Variants in LRBA observed in about 807,000 individuals in gnomAD.
LRBA encodes the protein lipopolysaccharide-responsive and beige-like anchor protein.
In LRBA, 176 loss-of-function variants were observed where a neutral mutation model predicts 330.0. The ratio of observed to expected loss-of-function variants is 0.53; its 90% CI spans 0.47 to 0.60. The LOEUF is 0.60. Ranked by LOEUF, LRBA falls within the 20% of genes least tolerant of loss-of-function variation. The pLI is 0.00. For missense variants in LRBA, 3,259 were observed against 3,444.8 expected, an observed-to-expected ratio of 0.95 and a Z score of 1.35; for synonymous variants, 1,230 against 1,193.0, an observed-to-expected ratio of 1.03 and a Z score of -0.64.
At chr4:150,688,081 C>G (rs528970753) in intron 36 of LRBA, among the ~76,000 whole-genome samples, 1 of 152,206 alleles carries the variant, frequency 6.6e-6, no homozygotes, top group African/African-American at 2.4e-5. Context: ...ACCAAAACAG[C>G]ATGGTACTGG....
chr4:150,921,412 AG>A (rs1320851851), intron 4 of LRBA, 119 bp from the exon 5 acceptor site: 5 of 645,246 alleles, frequency 7.7e-6, no homozygotes, highest in Non-Finnish European at 1.1e-5. Flanking sequence ...TTAAAAGCAT[AG>A]AAAATAATTT....
chr4:150,735,362 G>A lies in LRBA; in HGVS notation c.5650C>T (p.Leu1884Phe), dbSNP rs764055189. 2 of 1,601,286 alleles carry A rather than the reference G, an allele frequency of 1.2e-6. No homozygotes were observed. The highest frequency in any genetic ancestry group is 1.1e-5 in the South Asian group (1 of 90,800). ...FIELVNEGRLLSQTMKDHLVR... is the reference protein window; with the variant it reads ...FIELVNEGRLFSQTMKDHLVR... ...AGATGATCCTTCATTGTCTGGCTAA[G>A]CAACCTGTAAGAAATGAATGTTATC... is the stretch of plus-strand genomic sequence containing the variant. The change falls in exon 36 of 57, where the codon CTT (leucine) becomes TTT (phenylalanine). Residue 1884 changes from leucine to phenylalanine, a missense_variant. Physicochemically the swap from Leu to Phe is conservative, Grantham distance 22. Coordinates refer to ENST00000651943, the MANE Select transcript of LRBA (RefSeq NM_001364905.1).
chr4:150,837,710 A>G (rs1184687254), intron 28 of LRBA, among the ~76,000 whole-genome samples: 2 of 152,134 alleles, frequency 1.3e-5, no homozygotes, highest in East Asian at 3.8e-4. Context: ...GGGTCTCCTG[A>G]ATACAGCACA....
intron 40 of LRBA, chr4:150,584,424 TC>T (rs1218491832): frequency 5.2e-4 from 69 of 133,904 alleles, no homozygotes; most frequent in Admixed American, 1.8e-3. Context: ...GTATAGTAGT[TC>T]CCCCCCCTTT....
chr4:150,830,113 T>C (rs541282023), intron 29 of LRBA, among the ~76,000 whole-genome samples: 8 of 152,318 alleles, frequency 5.3e-5, no homozygotes, highest in African/African-American at 9.6e-5. Flanking sequence ...CCTTCCTAAC[T>C]GTTGTGGAAG....
At chr4:150,914,367 T>G in intron 8 of LRBA, 26 bp from the exon 9 acceptor site, 3 of 1,460,672 alleles carry the variant, frequency 2.1e-6, no homozygotes, top group Non-Finnish European at 2.7e-6. Context: ...AAAAAGGAAT[T>G]AGGAAAAAAC....
intron 37 of LRBA, among the ~76,000 whole-genome samples, chr4:150,604,835 A>AG: frequency 6.6e-6 from 1 of 152,246 alleles, no homozygotes; most frequent in South Asian, 2.1e-4. Context: ...TTCAATGCTC[A>AG]GGCTCCTTTC....
intron 2 of LRBA, among the ~76,000 whole-genome samples, chr4:150,982,362 C>T (rs1056827803): frequency 6.6e-6 from 1 of 152,022 alleles, no homozygotes; most frequent in African/African-American, 2.4e-5. Flanking sequence ...TTTAAAGCTT[C>T]AAAAACTAAA....
At chr4:150,477,167 A>G (rs193047418) in intron 42 of LRBA, among the ~76,000 whole-genome samples, 63 of 152,226 alleles carry the variant, frequency 4.1e-4, no homozygotes, top group Non-Finnish European at 6.3e-4. Context: ...AATGTGATGG[A>G]CAGTTTTCAG....
At chr4:150,270,741 A>C (rs1413340777) in intron 56 of LRBA, among the ~76,000 whole-genome samples, 2 of 152,236 alleles carry the variant, frequency 1.3e-5, no homozygotes, top group African/African-American at 4.8e-5. Flanking sequence ...ATAAGGTGCC[A>C]GATAAAGATG....
At chr4:150,292,936 G>A (rs1168312686) in intron 53 of LRBA, among the ~76,000 whole-genome samples, 1 of 151,906 alleles carries the variant, frequency 6.6e-6, no homozygotes, top group African/African-American at 2.4e-5. Context: ...TTCTTCATTA[G>A]TAAAAATGTA....
chr4:150,664,743 C>T (rs935676007), intron 37 of LRBA, among the ~76,000 whole-genome samples: 3 of 152,074 alleles, frequency 2.0e-5, no homozygotes, highest in Admixed American at 6.5e-5. Flanking sequence ...AGGCCAAAAC[C>T]GATGATCATT....
At chr4:150,576,176 AAG>A (rs1491083510) in intron 40 of LRBA, among the ~76,000 whole-genome samples, 2 of 151,048 alleles carry the variant, frequency 1.3e-5, no homozygotes, top group Admixed American at 6.6e-5. Flanking sequence ...AAAAAAAAAA[AAG>A]GAGGAGGGGA....
chr4:150,836,894 C>G (rs191879844), intron 28 of LRBA, among the ~76,000 whole-genome samples: 5 of 152,134 alleles, frequency 3.3e-5, no homozygotes, highest in Admixed American at 6.5e-5. Flanking sequence ...GTTAGGGTGT[C>G]AATTTTAGAT....
chr4:150,434,751 T>C (rs1419628402), intron 46 of LRBA, among the ~76,000 whole-genome samples: 4 of 151,882 alleles, frequency 2.6e-5, no homozygotes, highest in Admixed American at 2.6e-4. Flanking sequence ...CTCAGGAGGC[T>C]GAGGCAGGAG....
chr4:150,982,478 C>T (rs904478050), intron 2 of LRBA, among the ~76,000 whole-genome samples: 2 of 151,530 alleles, frequency 1.3e-5, no homozygotes, highest in African/African-American at 4.8e-5. Flanking sequence ...TGTAAGGTTA[C>T]AGTAAATATG....
At chr4:150,772,639 T>A (rs1008821194) in intron 34 of LRBA, among the ~76,000 whole-genome samples, 1 of 152,162 alleles carries the variant, frequency 6.6e-6, no homozygotes, top group Non-Finnish European at 1.5e-5. Context: ...AGAATATTTG[T>A]CTGGGAAGGA....
intron 47 of LRBA, among the ~76,000 whole-genome samples, chr4:150,410,095 T>A (rs1039310298): frequency 8.7e-5 from 13 of 150,136 alleles, no homozygotes; most frequent in South Asian, 2.1e-4. Flanking sequence ...ATTCCAAAAA[T>A]TTTTTTTTTT....
chr4:150,491,560 G>T (rs900406825), intron 40 of LRBA, among the ~76,000 whole-genome samples: 1 of 152,082 alleles, frequency 6.6e-6, no homozygotes, highest in African/African-American at 2.4e-5. Flanking sequence ...CACTCATTCA[G>T]AAAGCACAAA....
Sources: allele counts gnomAD v4.1 joint callset (sites outside exome capture counted in the v4.1 genomes callset), GRCh38; gene constraint gnomAD v4.1.1; transcripts MANE v1.5; gene names NCBI Gene and HGNC (gene_info 2026-07-23, HGNC 2026-07-21).